The following SMG5 variants were observed in gnomAD, a reference collection of about 807,000 sequenced individuals.
The protein encoded by SMG5 is nonsense-mediated mRNA decay factor SMG5.
In SMG5, 53 loss-of-function variants were observed where a neutral mutation model predicts 122.9. That is an observed-to-expected ratio of 0.43 (90% CI 0.35 to 0.54). The LOEUF (loss-of-function observed/expected upper bound fraction) is 0.54, where lower values mean the gene tolerates loss of function less well. SMG5 is among the 20% of genes least tolerant of loss of function. SMG5 has a pLI of 0.01. For missense variants in SMG5, 1,153 were observed against 1,285.6 expected, an observed-to-expected ratio of 0.90 and a Z score of 1.58; for synonymous variants, 477 against 490.2, an observed-to-expected ratio of 0.97 and a Z score of 0.35.
chr1:156,254,550 C>T (rs1012697902), intron 16 of SMG5, among the ~76,000 whole-genome samples: 6 of 152,252 alleles, frequency 3.9e-5, no homozygotes, highest in Non-Finnish European at 8.8e-5. Context: ...CTCAAATGAT[C>T]CTCCTGCCTC....
At chr1:156,255,803 C>T (rs771285113) in intron 16 of SMG5, among the ~76,000 whole-genome samples, 4 of 151,794 alleles carry the variant, frequency 2.6e-5, no homozygotes, top group East Asian at 1.9e-4. Flanking sequence ...CTCAGGAGGC[C>T]GAGGCAGGAC....
At chr1:156,275,260 A>G (rs976542627) in intron 4 of SMG5, among the ~76,000 whole-genome samples, 4 of 152,296 alleles carry the variant, frequency 2.6e-5, no homozygotes, top group Admixed American at 2.6e-4. Flanking sequence ...AGCCTACTGG[A>G]GAGTCTGCCC....
chr1:156,278,288 A>G (rs1466444899), intron 2 of SMG5, among the ~76,000 whole-genome samples: 2 of 151,080 alleles, frequency 1.3e-5, no homozygotes, highest in East Asian at 1.9e-4. Context: ...CCCTTTGTAC[A>G]CTTCGCTCTC....
intron 16 of SMG5, chr1:156,253,768 C>T (rs996391558): frequency 1.7e-5 from 9 of 517,106 alleles, no homozygotes; most frequent in South Asian, 4.1e-5. Flanking sequence ...AGCCATGTGC[C>T]GTCACCATGC....
intron 1 of SMG5, among the ~76,000 whole-genome samples, chr1:156,280,202 T>A (rs920347389): frequency 6.6e-6 from 1 of 152,112 alleles, no homozygotes; most frequent in African/African-American, 2.4e-5. Flanking sequence ...AGGTCTCATA[T>A]CTGGAAGGGT....
chr1:156,268,210 T>C lies in SMG5; in HGVS notation c.840-27A>G, dbSNP rs764943474. On this transcript the variant is annotated intron_variant, in intron 8 of 21. Transcript: ENST00000361813. ...TGAAATGAGAAGAGCCCAAAGTAAATGCTGAATGGTCCCGCAGTCCCTATG... is the reference window on the plus strand; with the variant it reads ...TGAAATGAGAAGAGCCCAAAGTAAACGCTGAATGGTCCCGCAGTCCCTATG... 3.1e-6 allele frequency: 5 copies of C among 1,614,102 alleles called. No individual in the cohort carries two copies. In the Admixed American group the frequency reaches 5.0e-5, roughly 16 times the overall value.
intron 15 of SMG5, 97 bp downstream of exon 15, chr1:156,260,354 A>G (rs1423702339): frequency 2.6e-5 from 36 of 1,392,794 alleles, no homozygotes; most frequent in Non-Finnish European, 3.3e-5. Flanking sequence ...TCTGAGTGGA[A>G]GAGGGCATCC....
chr1:156,250,430 C>T lies in SMG5; in HGVS notation c.*157G>A, dbSNP rs1041146864. The T allele has an allele frequency of 1.4e-6, 1 of 700,628 alleles. No individual in the cohort carries two copies. Among genetic ancestry groups the T allele is most frequent in the African/African-American group, 1.8e-5 (1 of 56,340 alleles). The allele number at this position is 700,628 out of a possible 1,614,324, so 43.4% of individuals were successfully genotyped here. On this transcript the variant is annotated 3_prime_UTR_variant, in exon 22 of 22. Transcript: ENST00000361813. ...AGGGACCCCACCCTCCCAGCCGGCTCCTGGGCCCTCCCTGCAGCCTCTGAG... is the reference window on the plus strand; with the variant it reads ...AGGGACCCCACCCTCCCAGCCGGCTTCTGGGCCCTCCCTGCAGCCTCTGAG...
Position 156,268,367 on chromosome 1 carries a change from C to T in SMG5, c.762G>A (p.Arg254=), listed in dbSNP as rs1340495655. ...ACATTTTGGCTGCCTTGTCATACAG[C>T]CGCTTGAGGTTCCCATAGGCTCCCT... The part of the protein sequence containing the change: ...SFEGAYGNLK[R]LYDKAAKMYH... The change falls in exon 8 of 22, where the codon CGG becomes CGA. Residue 254 remains arginine, a synonymous_variant. Transcript: ENST00000361813. 6.2e-7 allele frequency: 1 copy of T among 1,614,160 alleles called. No homozygotes were observed. The highest frequency in any genetic ancestry group is 8.5e-7 in the Non-Finnish European group (1 of 1,180,036).
chr1:156,271,635 A>G (rs1253151273), intron 7 of SMG5, among the ~76,000 whole-genome samples: 2 of 130,916 alleles, frequency 1.5e-5, no homozygotes, highest in Non-Finnish European at 3.1e-5. Context: ...GTGCAGTGGC[A>G]TGATCTCGGC....
chr1:156,251,200 A>G (rs1371002452), intron 20 of SMG5: 1 of 900,796 alleles, frequency 1.1e-6, no homozygotes, highest in Non-Finnish European at 1.7e-6. Flanking sequence ...CGCAAGGCCC[A>G]AAGAGGCTGA....
Position 156,249,505 on chromosome 1 carries a change from C to G in SMG5, c.*1082G>C. 2 of 355,744 alleles carry G rather than the reference C, an allele frequency of 5.6e-6. No individual in the cohort carries two copies. Among genetic ancestry groups the G allele is most frequent in the Non-Finnish European group, 1.1e-5 (2 of 178,536 alleles). The allele number at this position is 355,744 out of a possible 1,614,324, so 22.0% of individuals were successfully genotyped here. A position where few individuals can be genotyped will look rare whatever the true frequency, so the allele number is the denominator to read the frequency against. On this transcript the variant is annotated 3_prime_UTR_variant, in exon 22 of 22. Transcript: ENST00000361813. ...CCTGGCTGCAGCCTCCCACACACAG[C>G]CCTGCTCTTGGTGCGCCATTCACTG...
intron 14 of SMG5, among the ~76,000 whole-genome samples, 165 bp from the exon 15 acceptor site, chr1:156,260,791 A>G (rs2103218798): frequency 6.6e-6 from 1 of 152,328 alleles, no homozygotes; most frequent in Non-Finnish European, 1.5e-5. Context: ...AGAGATGGAC[A>G]CATAAGAGCC....
At chr1:156,282,586 T>A in intron 1 of SMG5, 21 bp downstream of exon 1, 1 of 1,601,118 alleles carries the variant, frequency 6.2e-7, no homozygotes, top group Non-Finnish European at 8.5e-7. Flanking sequence ...GTGGCTGCTC[T>A]CACGCCCTGG....
At chr1:156,275,310 G>T (rs544354800) in intron 4 of SMG5, among the ~76,000 whole-genome samples, 13 of 152,276 alleles carry the variant, frequency 8.5e-5, no homozygotes, top group African/African-American at 3.1e-4. Context: ...TGAGGCTGCT[G>T]ATGGCCAAAG....
chr1:156,251,524 G>C (rs746633331), intron 19 of SMG5, 47 bp from the exon 20 acceptor site: 1 of 1,598,844 alleles, frequency 6.3e-7, no homozygotes, highest in Non-Finnish European at 8.6e-7. Context: ...GAGACTGGCA[G>C]GGTGCCTTAC....
chr1:156,268,450 C>A (rs1227128353), intron 7 of SMG5, 35 bp from the exon 8 acceptor site: 1 of 1,608,160 alleles, frequency 6.2e-7, no homozygotes, highest in Non-Finnish European at 8.5e-7. Context: ...TGAGTCTTGG[C>A]AGGGGGAGGA....
the SMG5 span, among the ~76,000 whole-genome samples, chr1:156,288,131 C>T: frequency 2.0e-5 from 3 of 148,034 alleles, no homozygotes; most frequent in Non-Finnish European, 4.4e-5. Context: ...AGGAGAATGG[C>T]GTGAACCCGG....
intron 10 of SMG5, among the ~76,000 whole-genome samples, chr1:156,267,094 A>G (rs754109512): frequency 4.0e-5 from 6 of 151,856 alleles, no homozygotes; most frequent in Non-Finnish European, 8.8e-5. Flanking sequence ...TTACCTCCCA[A>G]TCTTGCTCTA....
Sources: allele counts gnomAD v4.1 joint callset (sites outside exome capture counted in the v4.1 genomes callset), GRCh38; gene constraint gnomAD v4.1.1; transcripts MANE v1.5; gene names NCBI Gene and HGNC (gene_info 2026-07-23, HGNC 2026-07-21).